PTPN2: variants seen among roughly 807,000 people sequenced by gnomAD.
PTPN2 encodes the protein tyrosine-protein phosphatase non-receptor type 2.
A neutral mutation model predicts 57.3 loss-of-function variants in PTPN2; 19 were observed. The observed-to-expected ratio is 0.33, with a 90% CI of 0.23 to 0.49. The LOEUF (loss-of-function observed/expected upper bound fraction) is 0.49. Among genes scored for constraint, PTPN2 ranks in the 20% least tolerant of loss-of-function variants. The pLI, the probability that PTPN2 is intolerant of heterozygous loss-of-function variation, is 0.99. For missense variants in PTPN2, 358 were observed against 501.1 expected (o/e 0.71, Z 2.73); for synonymous variants, 153 against 164.9 (o/e 0.93, Z 0.55).
intron 1 of PTPN2, among the ~76,000 whole-genome samples, chr18:12,874,642 CAG>C (rs2044420765): frequency 1.4e-5 from 2 of 140,182 alleles, no homozygotes; most frequent in Non-Finnish European, 3.1e-5. Flanking sequence ...GTGGGGGGGT[CAG>C]CCCCCCGCCC....
intron 5 of PTPN2, among the ~76,000 whole-genome samples, chr18:12,823,962 G>C (rs899769591): frequency 2.0e-5 from 3 of 152,088 alleles, no homozygotes; most frequent in African/African-American, 7.2e-5. Context: ...CAGAAACAGG[G>C]AAACACATCT....
At chr18:12,830,468 A>G (rs1006404244) in intron 4 of PTPN2, among the ~76,000 whole-genome samples, 2 of 152,286 alleles carry the variant, frequency 1.3e-5, no homozygotes, top group African/African-American at 4.8e-5. Context: ...GAAGATCAGG[A>G]AAAACCCCTG....
At chr18:12,790,850 T>A (rs1430810650), downstream of PTPN2, among the ~76,000 whole-genome samples, 1 of 150,110 alleles carries the variant, frequency 6.7e-6, no homozygotes, top group Non-Finnish European at 1.5e-5. Context: ...GATTAACACA[T>A]TTTTTTTCTT....
At chr18:12,882,143 A>T (rs753745780) in intron 1 of PTPN2, among the ~76,000 whole-genome samples, 25 of 152,220 alleles carry the variant, frequency 1.6e-4, no homozygotes, top group South Asian at 6.2e-4. Context: ...AGGAGAACAC[A>T]TAGCTCAAAC....
chr18:12,786,401 A>G (rs1008947161), intron 9 of PTPN2: 8 of 152,296 alleles, frequency 5.3e-5, no homozygotes, highest in Admixed American at 3.3e-4. Flanking sequence ...ACTAACAATT[A>G]TATCTACCGA....
At chr18:12,849,500 A>G (rs2043320232) in intron 2 of PTPN2, among the ~76,000 whole-genome samples, 1 of 152,232 alleles carries the variant, frequency 6.6e-6, no homozygotes, top group Non-Finnish European at 1.5e-5. Flanking sequence ...TGGAGGTTGC[A>G]GTGAGCCAAG....
intron 1 of PTPN2, among the ~76,000 whole-genome samples, chr18:12,881,096 T>C (rs1299666416): frequency 6.6e-6 from 1 of 152,210 alleles, no homozygotes. Context: ...GTGCCTACAC[T>C]TTCCTCATCC....
chr18:12,849,628 C>T (rs1413009175), intron 2 of PTPN2, among the ~76,000 whole-genome samples: 3 of 151,984 alleles, frequency 2.0e-5, no homozygotes, highest in Admixed American at 2.0e-4. Flanking sequence ...CTGAAATAAA[C>T]TTAATGTGAA....
chr18:12,812,241 TG>T (rs1249281398), intron 7 of PTPN2, among the ~76,000 whole-genome samples: 1 of 152,220 alleles, frequency 6.6e-6, no homozygotes, highest in Admixed American at 6.5e-5. Flanking sequence ...TCAAAGTCAT[TG>T]GAAGTTTTCT....
intron 2 of PTPN2, among the ~76,000 whole-genome samples, chr18:12,853,515 A>T (rs1051088874): frequency 6.6e-6 from 1 of 152,358 alleles, no homozygotes; most frequent in Middle Eastern, 3.4e-3. Context: ...CTTTTAAAAA[A>T]TACACATTCC....
chr18:12,817,039 G>T, intron 6 of PTPN2, 117 bp downstream of exon 6: 1 of 993,062 alleles, frequency 1.0e-6, no homozygotes, highest in Non-Finnish European at 1.5e-6. Context: ...AAAAGTAGAA[G>T]TTTAAGTTGA....
chr18:12,839,391 G>A (rs189406565), intron 2 of PTPN2: 8 of 152,146 alleles, frequency 5.3e-5, no homozygotes, highest in Admixed American at 5.2e-4. Context: ...ACACAGAAAG[G>A]TACATCCTTT....
intron 2 of PTPN2, among the ~76,000 whole-genome samples, chr18:12,842,484 G>T (rs539939268): frequency 1.2e-4 from 19 of 152,200 alleles, no homozygotes; most frequent in Non-Finnish European, 2.5e-4. Context: ...AAACAGGGTG[G>T]TCAGGATGGG....
At position 12,814,368 on chromosome 18, in the gene PTPN2, C is replaced by A. The variant is rs773656395; in HGVS notation, c.706-13G>T. On this transcript the variant is annotated splice_polypyrimidine_tract_variant and intron_variant, in intron 6 of 8. Transcript: ENST00000309660. ...CTCCTTTTTCCATCTGCAAGAAAGG[C>A]AAAAAATGAGACAAGTCTTGTTATT... 1.4e-5 allele frequency: 22 copies of A among 1,566,266 alleles called. No individual in the cohort carries two copies. The highest frequency in any genetic ancestry group is 1.2e-4 in the Admixed American group (6 of 48,144).
chr18:12,841,063 A>T (rs2043027617), intron 2 of PTPN2: 2 of 1,200,208 alleles, frequency 1.7e-6, no homozygotes, highest in Non-Finnish European at 2.2e-6. Flanking sequence ...AAAAGGAAAA[A>T]AGAAATTATA....
chr18:12,858,866 T>C (rs1459141612), intron 2 of PTPN2, among the ~76,000 whole-genome samples: 1 of 152,176 alleles, frequency 6.6e-6, no homozygotes, highest in Non-Finnish European at 1.5e-5. Flanking sequence ...ATATGGATAT[T>C]ATATAGACAT....
chr18:12,794,612 A>G (rs558750925), intron 8 of PTPN2, 127 bp from the exon 9 acceptor site: 1 of 1,157,196 alleles, frequency 8.6e-7, no homozygotes, highest in East Asian at 2.6e-5. Flanking sequence ...CACTGGAATA[A>G]TGAGGGGAAA....
chr18:12,855,491 TA>T (rs1370728613), intron 2 of PTPN2, among the ~76,000 whole-genome samples: 4 of 152,076 alleles, frequency 2.6e-5, no homozygotes. Flanking sequence ...TAGGGAAGGA[TA>T]GGGGCAAAAG....
chr18:12,852,828 C>T (rs1013862856), intron 2 of PTPN2, among the ~76,000 whole-genome samples: 3 of 152,120 alleles, frequency 2.0e-5, no homozygotes, highest in Non-Finnish European at 4.4e-5. Context: ...TAAACATTTC[C>T]AGACCGGCTG....
Sources: gnomAD v4.1 joint callset for allele counts (sites outside exome capture counted in the v4.1 genomes callset) on GRCh38, gnomAD v4.1.1 for gene constraint, MANE v1.5 for transcripts, NCBI Gene and HGNC (gene_info 2026-07-23, HGNC 2026-07-21) for gene names.